Variants in ACTA2 observed in about 807,000 individuals in gnomAD.
ACTA2 encodes actin alpha 2, smooth muscle.
A neutral mutation model predicts 39.5 loss-of-function variants in ACTA2; 12 were observed. The ratio of observed to expected loss-of-function variants is 0.30; its 90% confidence interval spans 0.19 to 0.49. ACTA2 has a LOEUF of 0.49. Ranked by LOEUF, ACTA2 falls within the 20% of genes least tolerant of loss-of-function variation. The pLI is 0.99. For missense variants in ACTA2, 236 were observed against 498.8 expected (o/e 0.47, Z 5.02); for synonymous variants, 158 against 180.6 (o/e 0.88, Z 1.00).
upstream of ACTA2, among the ~76,000 whole-genome samples, chr10:88,956,335 A>T (rs1269375097): frequency 2.0e-5 from 3 of 152,304 alleles, no homozygotes; most frequent in East Asian, 5.8e-4. Flanking sequence ...TAGTCTCTAG[A>T]GTCCACTTGA....
In ACTA2 at chr10:88,938,220, A is replaced by C. The variant is rs1198704879; in HGVS notation, c.831T>G (p.His277Gln). The C allele has an allele frequency of 6.2e-7, 1 of 1,613,844 alleles. No individual in the cohort carries two copies. Among genetic ancestry groups the C allele is most frequent in the Non-Finnish European group, 8.5e-7 (1 of 1,179,904 alleles). The change falls in exon 8 of 9, where the codon CAT (histidine) becomes CAG (glutamine). Residue 277 changes from histidine to glutamine, a missense_variant. Physicochemically the swap from His to Gln is conservative, Grantham distance 24 (BLOSUM62 0). Coordinates refer to ENST00000224784, the MANE Select transcript of ACTA2 (RefSeq NM_001613.4). ...TCATGATGCTGTTGTAGGTGGTTTC[A>C]TGGATGCCAGCAGACTCCATCCCTG... ...SFIGMESAGI[H>Q]ETTYNSIMKC...
At chr10:88,981,219 T>G (rs1361029348) in intron 1 of ACTA2, among the ~76,000 whole-genome samples, 2 of 152,222 alleles carry the variant, frequency 1.3e-5, no homozygotes, top group African/African-American at 4.8e-5. Flanking sequence ...TTAGTTAAAC[T>G]CACCTAACCT....
chr10:88,955,139 T>C (rs374032096), upstream of ACTA2, among the ~76,000 whole-genome samples: 15 of 152,290 alleles, frequency 9.8e-5, no homozygotes, highest in African/African-American at 3.6e-4. Flanking sequence ...AACAATCATT[T>C]CCAGACACGT....
chr10:88,936,802 A>G (rs574606507), intron 8 of ACTA2, among the ~76,000 whole-genome samples: 8 of 152,254 alleles, frequency 5.3e-5, no homozygotes, highest in Non-Finnish European at 8.8e-5. Flanking sequence ...GACAAATTCT[A>G]TGGGAGTTCC....
intron 6 of ACTA2, chr10:88,940,733 T>C (rs983180876): frequency 4.6e-5 from 10 of 216,238 alleles, no homozygotes; most frequent in African/African-American, 2.2e-4. Context: ...ATGCTTACTC[T>C]ATGTCAAGTA....
At chr10:88,941,438 G>T (rs1337004318) in intron 5 of ACTA2, 48 bp from the exon 6 acceptor site, 3 of 1,611,962 alleles carry the variant, frequency 1.9e-6, no homozygotes, top group Non-Finnish European at 1.7e-6. Context: ...CTGGCATGTG[G>T]TTACTTGCTG....
intron 1 of ACTA2, among the ~76,000 whole-genome samples, chr10:88,951,544 A>G (rs12264840): frequency 0.11 from 16,585 of 152,136 alleles, 1,957 homozygotes; most frequent in African/African-American, 0.29. Context: ...AGAATGTTAT[A>G]ATGTCCAAAA....
chr10:88,958,863 A>C (rs1846180876), intron 1 of ACTA2, among the ~76,000 whole-genome samples: 3 of 152,090 alleles, frequency 2.0e-5, no homozygotes, highest in Admixed American at 2.0e-4. Context: ...CTCGGGGGGA[A>C]GGGAGGATAT....
At chr10:88,954,249 C>CAT (rs891460564), upstream of ACTA2, among the ~76,000 whole-genome samples, 7 of 152,240 alleles carry the variant, frequency 4.6e-5, no homozygotes, top group African/African-American at 1.7e-4. Context: ...CATATACATA[C>CAT]ATATATATCT....
At chr10:88,954,809 A>G (rs544873660), upstream of ACTA2, among the ~76,000 whole-genome samples, 5 of 152,252 alleles carry the variant, frequency 3.3e-5, no homozygotes, top group East Asian at 9.6e-4. Context: ...ATAAATTTCT[A>G]AACAAGTGAT....
intron 1 of ACTA2, among the ~76,000 whole-genome samples, chr10:88,987,491 T>C (rs1445149206): frequency 6.6e-6 from 1 of 152,222 alleles, no homozygotes; most frequent in East Asian, 1.9e-4. Context: ...TGTGGTTTCC[T>C]CTCAGCATGA....
intron 1 of ACTA2, among the ~76,000 whole-genome samples, chr10:88,978,338 A>G (rs1297965242): frequency 6.6e-6 from 1 of 151,336 alleles, no homozygotes; most frequent in African/African-American, 2.4e-5. Context: ...AGCATGGCAC[A>G]TGTATACATA....
At chr10:88,941,749 G>A (rs1234390627) in intron 5 of ACTA2, 36 bp downstream of exon 5, 36 of 1,573,658 alleles carry the variant, frequency 2.3e-5, no homozygotes, top group Middle Eastern at 1.7e-4. Flanking sequence ...CTGGCAGTGC[G>A]CTCCAACCAG....
intron 1 of ACTA2, among the ~76,000 whole-genome samples, chr10:88,949,183 C>T (rs1169961097): frequency 6.6e-6 from 1 of 152,098 alleles, no homozygotes; most frequent in Admixed American, 6.5e-5. Flanking sequence ...TTGATACAAC[C>T]TTAGTGTAGT....
intron 2 of ACTA2, 142 bp from the exon 3 acceptor site, chr10:88,947,528 C>T: frequency 1.6e-6 from 2 of 1,287,610 alleles, no homozygotes; most frequent in Admixed American, 1.9e-5. Context: ...AGTCTCATTG[C>T]CACTATGCTC....
chr10:88,984,220 T>A (rs2133357552), intron 1 of ACTA2, among the ~76,000 whole-genome samples: 1 of 152,322 alleles, frequency 6.6e-6, no homozygotes, highest in South Asian at 2.1e-4. Flanking sequence ...TGATATGTAA[T>A]AAATTGCCTT....
At chr10:88,987,100 T>G (rs1212256781) in intron 1 of ACTA2, among the ~76,000 whole-genome samples, 1 of 152,232 alleles carries the variant, frequency 6.6e-6, no homozygotes, top group African/African-American at 2.4e-5. Context: ...TTGGTAGAAA[T>G]AATTATTAAT....
chr10:88,972,070 A>C (rs1012896200), intron 1 of ACTA2, among the ~76,000 whole-genome samples: 31 of 151,920 alleles, frequency 2.0e-4, no homozygotes, highest in African/African-American at 7.0e-4. Context: ...CACCACGCCC[A>C]GTTAATTTTT....
chr10:88,983,509 C>CT (rs775826582), intron 1 of ACTA2, among the ~76,000 whole-genome samples: 4 of 148,410 alleles, frequency 2.7e-5, no homozygotes, highest in African/African-American at 7.4e-5. Context: ...AACTGTGTGA[C>CT]TTTGGGCAAG....
Sources: allele counts gnomAD v4.1 joint callset (sites outside exome capture counted in the v4.1 genomes callset), GRCh38; gene constraint gnomAD v4.1.1; transcripts MANE v1.5; gene names NCBI Gene and HGNC (gene_info 2026-07-23, HGNC 2026-07-21).